Variants in PDE4D observed in about 807,000 individuals in gnomAD.
PDE4D encodes the protein phosphodiesterase 4D.
Under a neutral mutation model 87.4 loss-of-function variants are expected in PDE4D, and 24 were observed. The observed-to-expected ratio is 0.27, with a 90% CI of 0.20 to 0.39. The LOEUF (loss-of-function observed/expected upper bound fraction) is 0.39. PDE4D is among the 10% of genes least tolerant of loss of function. PDE4D has a pLI of 1.00. For synonymous variants in PDE4D, 384 were observed against 383.2 expected, an observed-to-expected ratio of 1.00 and a Z score of -0.02; for missense variants, 714 against 1,041.0, an observed-to-expected ratio of 0.69 and a Z score of 4.32.
At chr5:59,365,556 C>A (rs982327479) in intron 1 of PDE4D, among the ~76,000 whole-genome samples, 21 of 152,126 alleles carry the variant, frequency 1.4e-4, no homozygotes, top group African/African-American at 5.1e-4. Context: ...TGGTGAAACG[C>A]CAGTTTGTAA....
intron 5 of PDE4D, among the ~76,000 whole-genome samples, chr5:59,073,533 G>A (rs1288324839): frequency 6.7e-6 from 1 of 149,974 alleles, no homozygotes; most frequent in East Asian, 1.9e-4. Flanking sequence ...TTGGAGATGA[G>A]GAGGAGATGG....
At chr5:59,581,216 G>T (rs1824075187) in intron 1 of PDE4D, among the ~76,000 whole-genome samples, 1 of 152,134 alleles carries the variant, frequency 6.6e-6, no homozygotes, top group South Asian at 2.1e-4. Flanking sequence ...AGAAAAGGAT[G>T]AGGGATTTTT....
intron 2 of PDE4D, among the ~76,000 whole-genome samples, chr5:60,104,678 C>A (rs889067213): frequency 6.6e-6 from 1 of 152,186 alleles, no homozygotes. Flanking sequence ...CCAGAGGAAC[C>A]ATCAGACAGC....
chr5:60,005,948 T>C (rs1582142500), intron 2 of PDE4D, among the ~76,000 whole-genome samples: 1 of 152,038 alleles, frequency 6.6e-6, no homozygotes, highest in Non-Finnish European at 1.5e-5. Flanking sequence ...ATACCAAAAA[T>C]TAAAATTATT....
chr5:59,505,529 T>C (rs1203730116), intron 1 of PDE4D, among the ~76,000 whole-genome samples: 1 of 152,226 alleles, frequency 6.6e-6, no homozygotes, highest in Non-Finnish European at 1.5e-5. Flanking sequence ...AATGTCAACG[T>C]ATGGCTTATT....
chr5:60,195,338 TC>T (rs557949119), intron 1 of PDE4D, among the ~76,000 whole-genome samples: 2 of 151,680 alleles, frequency 1.3e-5, no homozygotes, highest in African/African-American at 4.8e-5. Context: ...GGACTCTAAG[TC>T]CCTTGAGGTT....
At chr5:59,356,783 T>G in intron 1 of PDE4D, 1 of 1,567,968 alleles carries the variant, frequency 6.4e-7, no homozygotes, top group Non-Finnish European at 8.6e-7. Context: ...AAACGCAATC[T>G]TGATTTGGCT....
chr5:59,974,294 A>C (rs925255212), intron 3 of PDE4D, among the ~76,000 whole-genome samples: 5 of 152,250 alleles, frequency 3.3e-5, no homozygotes, highest in Non-Finnish European at 7.3e-5. Context: ...TCTCAAAAGC[A>C]AACTCAAATG....
At chr5:60,212,174 T>TC (rs1743304391) in intron 1 of PDE4D, among the ~76,000 whole-genome samples, 2 of 152,180 alleles carry the variant, frequency 1.3e-5, no homozygotes, top group Admixed American at 6.5e-5. Flanking sequence ...ATATTTTTTT[T>TC]CTCAAGTAAC....
At position 59,640,373 on chromosome 5, in the gene PDE4D, A is replaced by G. The variant is rs1352698493; in HGVS notation, c.455+252795T>C. Reference sequence around the variant, plus strand: ...CCCTTCAGCTAGCTGCATTAAGTCAATCAATCAATAAATAACTTTTTATTG... The same window carrying G: ...CCCTTCAGCTAGCTGCATTAAGTCAGTCAATCAATAAATAACTTTTTATTG... On this transcript the variant is annotated intron_variant, in intron 1 of 14. Transcript: ENST00000340635. Among the ~76,000 whole-genome samples, 5 of 152,206 alleles carry G rather than the reference A, an allele frequency of 3.3e-5. No homozygotes were observed. The East Asian group carries it at 9.6e-4, about 29-fold the overall frequency.
chr5:59,863,759 T>C (rs955749081), intron 1 of PDE4D, among the ~76,000 whole-genome samples: 1 of 152,202 alleles, frequency 6.6e-6, no homozygotes, highest in African/African-American at 2.4e-5. Flanking sequence ...AAGTACCAGA[T>C]ATTTTTAGTT....
chr5:60,487,513 CCT>C (rs1561308937), intron 1 of PDE4D, among the ~76,000 whole-genome samples: 3 of 152,132 alleles, frequency 2.0e-5, no homozygotes, highest in African/African-American at 4.8e-5. Context: ...GCTGTGTACC[CCT>C]GTCCCCAAAG....
chr5:60,263,429 A>C (rs903011653), intron 1 of PDE4D, among the ~76,000 whole-genome samples: 1 of 152,206 alleles, frequency 6.6e-6, no homozygotes, highest in African/African-American at 2.4e-5. Context: ...AGCAGAGAAG[A>C]AATCTAGGCA....
chr5:60,083,989 T>C (rs1351171122), intron 2 of PDE4D, among the ~76,000 whole-genome samples: 1 of 152,252 alleles, frequency 6.6e-6, no homozygotes, highest in Non-Finnish European at 1.5e-5. Context: ...GTTTTCTTCA[T>C]TGTAAATTGC....
intron 1 of PDE4D, among the ~76,000 whole-genome samples, chr5:60,338,445 C>A (rs1758012527): frequency 6.6e-6 from 1 of 152,224 alleles, no homozygotes; most frequent in African/African-American, 2.4e-5. Flanking sequence ...ACAATAAGTT[C>A]TAACAGCCTC....
intron 1 of PDE4D, among the ~76,000 whole-genome samples, chr5:60,378,306 C>G (rs1341234468): frequency 6.6e-6 from 1 of 152,140 alleles, no homozygotes; most frequent in East Asian, 1.9e-4. Context: ...CCCTTTCCAA[C>G]CACAGTGCAA....
Position 59,286,719 on chromosome 5 carries a change from C to T in PDE4D, c.456-70751G>A, listed in dbSNP as rs538907387. On this transcript the variant is annotated intron_variant, in intron 1 of 14. Transcript: ENST00000340635. ...AAGCAATGACTCCTCATTCTGCACA[C>T]TCACATTCCCTGGCAACTACTAACC... is the stretch of plus-strand genomic sequence containing the variant. 3.9e-5 allele frequency among the ~76,000 whole-genome samples: 6 copies of T among 152,300 alleles called. No individual in the cohort carries two copies. In the East Asian group the frequency reaches 7.7e-4, roughly 20 times the overall value.
chr5:60,234,274 A>G (rs930891254), intron 1 of PDE4D, among the ~76,000 whole-genome samples: 5 of 151,820 alleles, frequency 3.3e-5, no homozygotes, highest in Non-Finnish European at 7.4e-5. Context: ...ATATATCAAT[A>G]CTTTATTTCT....
chr5:59,605,282 T>C lies in PDE4D; in HGVS notation c.455+287886A>G, dbSNP rs370682211. ...CAAAAGTTTATTTTTTTCTATCCAT[T>C]GGAAATTTGTGAACATTTTACACAA... is the stretch of plus-strand genomic sequence containing the variant. On this transcript the variant is annotated intron_variant, in intron 1 of 14. Coordinates refer to ENST00000340635, the MANE Select transcript of PDE4D (RefSeq NM_001104631.2). Among the ~76,000 whole-genome samples, 6 of 152,284 alleles carry C rather than the reference T, an allele frequency of 3.9e-5. No homozygotes were observed. In the East Asian group the frequency reaches 5.8e-4, roughly 15 times the overall value.
Sources: allele counts gnomAD v4.1 joint callset (sites outside exome capture counted in the v4.1 genomes callset), GRCh38; gene constraint gnomAD v4.1.1; transcripts MANE v1.5; gene names NCBI Gene and HGNC (gene_info 2026-07-23, HGNC 2026-07-21).